WASL: variants seen among roughly 807,000 people sequenced by gnomAD.
WASL encodes WASP like actin nucleation promoting factor, also known as actin nucleation-promoting factor WASL.
In WASL, 20 loss-of-function variants were observed where a neutral mutation model predicts 55.5. The ratio of observed to expected loss-of-function variants is 0.36; its 90% CI spans 0.25 to 0.52. WASL has a LOEUF of 0.52. Among genes scored for constraint, WASL ranks in the 20% least tolerant of loss-of-function variants. WASL has a pLI of 0.92. For synonymous variants in WASL, 249 were observed against 217.6 expected, an observed-to-expected ratio of 1.14 and a Z score of -1.27; for missense variants, 504 against 622.5, an observed-to-expected ratio of 0.81 and a Z score of 2.03.
intron 5 of WASL, 128 bp downstream of exon 5, chr7:123,704,506 T>C (rs1303325850): frequency 1.4e-5 from 9 of 659,932 alleles, no homozygotes; most frequent in Non-Finnish European, 2.2e-5. Context: ...TACTAATGTA[T>C]GGTACATGTT....
chr7:123,699,610 C>T (rs1036608569), intron 5 of WASL, among the ~76,000 whole-genome samples: 1 of 152,054 alleles, frequency 6.6e-6, no homozygotes, highest in African/African-American at 2.4e-5. Context: ...TTTAAATTAT[C>T]CAAGCTAGTA....
intron 1 of WASL, among the ~76,000 whole-genome samples, chr7:123,741,353 T>C (rs1274749088): frequency 1.3e-5 from 2 of 152,362 alleles, no homozygotes; most frequent in East Asian, 1.9e-4. Context: ...AATTACCCTA[T>C]GGTAAAACTG....
intron 2 of WASL, 65 bp from the exon 3 acceptor site, chr7:123,706,891 A>G: frequency 1.0e-6 from 1 of 969,678 alleles, no homozygotes; most frequent in South Asian, 1.7e-5. Flanking sequence ...TAAAACAAAG[A>G]AGATGACTCA....
intron 1 of WASL, among the ~76,000 whole-genome samples, chr7:123,724,879 A>G (rs145831757): frequency 6.6e-6 from 1 of 152,322 alleles, no homozygotes; most frequent in East Asian, 1.9e-4. Context: ...TTTAAATGCC[A>G]CAACAATTTG....
In WASL at chr7:123,706,366, T is replaced by C. The variant is rs753156195; in HGVS notation, c.347A>G (p.Gln116Arg). The change falls in exon 4 of 11, where the codon CAA becomes CGA. Residue 116 changes from glutamine to arginine, a missense_variant. Gln to Arg is a conservative substitution (Grantham distance 43). Coordinates refer to ENST00000223023, the MANE Select transcript of WASL (RefSeq NM_003941.4). Reference sequence around the variant, plus strand: ...TTCATTGGCAAAATTAAGAGCAACTTGACAAGTCTGAAATATTTTCATCAC... The same window carrying C: ...TTCATTGGCAAAATTAAGAGCAACTCGACAAGTCTGAAATATTTTCATCAC... ...YFHTFAGDTC[Q>R]VALNFANEEE... 6.2e-7 allele frequency: 1 copy of C among 1,613,242 alleles called. No individual in the cohort carries two copies. The highest frequency in any genetic ancestry group is 8.5e-7 in the Non-Finnish European group (1 of 1,179,554).
chr7:123,685,611 T>C (rs565609530), intron 10 of WASL, among the ~76,000 whole-genome samples: 2 of 152,068 alleles, frequency 1.3e-5, no homozygotes, highest in African/African-American at 2.4e-5. Flanking sequence ...TCTAAAATTA[T>C]TGTACTTTAT....
Position 123,682,992 on chromosome 7 carries a change from C to T in WASL, c.*1527G>A, listed in dbSNP as rs894797731. On this transcript the variant is annotated 3_prime_UTR_variant, in exon 11 of 11. Transcript: ENST00000223023. ...AATTATTTCTTATGATAACTAGATG[C>T]ATGATCACTAGAGATTATGTAATAA... 6.6e-6 allele frequency: 1 copy of T among 152,038 alleles called. No homozygotes were observed. The highest frequency in any genetic ancestry group is 1.5e-5 in the Non-Finnish European group (1 of 67,990). 9.4% of individuals were successfully genotyped at this position (152,038 alleles called of 1,614,324 possible). A position where few individuals can be genotyped will look rare whatever the true frequency, so the allele number is the denominator to read the frequency against.
At chr7:123,703,698 C>T (rs954189966) in intron 5 of WASL, among the ~76,000 whole-genome samples, 40 of 152,184 alleles carry the variant, frequency 2.6e-4, no homozygotes, top group African/African-American at 8.9e-4. Flanking sequence ...CAAAAGGCAA[C>T]GTATCTGTTT....
chr7:123,691,762 C>T (rs1803412492), intron 9 of WASL, among the ~76,000 whole-genome samples: 1 of 152,178 alleles, frequency 6.6e-6, no homozygotes, highest in Non-Finnish European at 1.5e-5. Context: ...AATTCTATTA[C>T]AACTCTTTCA....
intron 6 of WASL, 93 bp from the exon 7 acceptor site, chr7:123,695,958 TG>T: frequency 7.8e-7 from 1 of 1,282,696 alleles, no homozygotes; most frequent in Non-Finnish European, 1.1e-6. Context: ...CATTTGGCTT[TG>T]AATTTTTGGT....
At chr7:123,711,841 T>A (rs1187507562) in intron 1 of WASL, among the ~76,000 whole-genome samples, 2 of 152,150 alleles carry the variant, frequency 1.3e-5, no homozygotes, top group Admixed American at 6.6e-5. Flanking sequence ...CTTATTACCC[T>A]AATAATGTTA....
rs1804194895 is a variant in WASL, at chr7:123,734,575, A to G, written c.117+14043T>C. ...AACTATATGACATGCTGGAAAAGGC[A>G]ACACTATAGAAAATGTAAAAAAAAA... On this transcript the variant is annotated intron_variant, in intron 1 of 10. Transcript: ENST00000223023. 2.0e-5 allele frequency among the ~76,000 whole-genome samples: 3 copies of G among 148,234 alleles called. No individual in the cohort carries two copies. The Admixed American group carries it at 2.1e-4, about 10-fold the overall frequency.
intron 1 of WASL, among the ~76,000 whole-genome samples, chr7:123,724,174 T>C (rs895153254): frequency 2.6e-5 from 4 of 152,174 alleles, no homozygotes; most frequent in African/African-American, 9.7e-5. Context: ...AGGTTCCTAT[T>C]TGATAAAAAT....
chr7:123,731,387 A>G (rs28869558), intron 1 of WASL, among the ~76,000 whole-genome samples: 1,631 of 152,308 alleles, frequency 0.011, 34 homozygotes, highest in African/African-American at 0.037. Flanking sequence ...ACACTCCTCT[A>G]TCAGTGATTG....
chr7:123,709,297 G>T lies in WASL; in HGVS notation c.118-74C>A. On this transcript the variant is annotated intron_variant, in intron 1 of 10. Coordinates refer to ENST00000223023, the MANE Select transcript of WASL (RefSeq NM_003941.4). ...TGATCATAGCCCCTGCTGACAGCTT[G>T]ACCGCAACCACCCAGCTAAGCTGCT... 4 of 1,314,664 alleles carry T rather than the reference G, an allele frequency of 3.0e-6. No homozygotes were observed. The South Asian group carries it at 7.7e-5, about 25-fold the overall frequency. 81.4% of individuals were successfully genotyped at this position (1,314,664 alleles called of 1,614,324 possible). A position where few individuals can be genotyped will look rare whatever the true frequency, so the allele number is the denominator to read the frequency against.
intron 1 of WASL, among the ~76,000 whole-genome samples, chr7:123,719,715 C>G (rs1013556924): frequency 2.6e-5 from 4 of 152,200 alleles, no homozygotes; most frequent in African/African-American, 9.7e-5. Context: ...CCTTTGTATC[C>G]TGGCAGTCAG....
chr7:123,722,764 C>T (rs1193072070), intron 1 of WASL, among the ~76,000 whole-genome samples: 5 of 152,274 alleles, frequency 3.3e-5, no homozygotes, highest in African/African-American at 1.2e-4. Context: ...AAGATCGCCA[C>T]TGCACTCCAG....
At chr7:123,708,959 T>C in intron 2 of WASL, 130 bp downstream of exon 2, 1 of 882,788 alleles carries the variant, frequency 1.1e-6, no homozygotes, top group South Asian at 3.9e-5. Flanking sequence ...AAAACCAAGC[T>C]TCACTCTTCT....
chr7:123,729,107 G>A (rs1354896753), intron 1 of WASL, among the ~76,000 whole-genome samples: 1 of 152,014 alleles, frequency 6.6e-6, no homozygotes, highest in Non-Finnish European at 1.5e-5. Flanking sequence ...GTATCTGTTG[G>A]AAATATAATG....
Sources: gnomAD v4.1 joint callset for allele counts (sites outside exome capture counted in the v4.1 genomes callset) on GRCh38, gnomAD v4.1.1 for gene constraint, MANE v1.5 for transcripts, NCBI Gene and HGNC (gene_info 2026-07-23, HGNC 2026-07-21) for gene names.